Variants in FMN1 observed in about 807,000 individuals in gnomAD.
FMN1 encodes formin 1.
FMN1 carries 110 observed loss-of-function variants against 132.4 expected under a neutral mutation model. The ratio of observed to expected loss-of-function variants is 0.83; its 90% CI spans 0.71 to 0.97. The LOEUF (loss-of-function observed/expected upper bound fraction) is 0.97, where lower values mean the gene tolerates loss of function less well. Ranked by LOEUF, FMN1 falls within the 50% of genes least tolerant of loss-of-function variation. The pLI is 0.00. For synonymous variants in FMN1, 722 were observed against 651.7 expected, an observed-to-expected ratio of 1.11 and a Z score of -1.64; for missense variants, 1,792 against 1,705.3, an observed-to-expected ratio of 1.05 and a Z score of -0.90.
intron 6 of FMN1, chr15:33,012,278 TC>T: frequency 1.4e-6 from 1 of 737,376 alleles, no homozygotes; most frequent in Non-Finnish European, 2.5e-6. Context: ...CACCAGGTAT[TC>T]CAGAGGCTTT....
At chr15:32,928,541 T>C (rs1374987876) in intron 9 of FMN1, among the ~76,000 whole-genome samples, 5 of 152,192 alleles carry the variant, frequency 3.3e-5, no homozygotes, top group Admixed American at 2.6e-4. Context: ...CGGAGGTGAC[T>C]GAGACAGATC....
intron 6 of FMN1, among the ~76,000 whole-genome samples, chr15:33,010,164 A>G (rs968762111): frequency 5.3e-5 from 8 of 152,284 alleles, no homozygotes; most frequent in African/African-American, 1.9e-4. Context: ...GCCAACATGA[A>G]GAATCTTAAA....
chr15:32,874,701 C>G (rs17228880), intron 16 of FMN1, among the ~76,000 whole-genome samples: 82,549 of 152,010 alleles, frequency 0.54, 22,751 homozygotes, highest in African/African-American at 0.61. Flanking sequence ...ATAAAACTTA[C>G]CCTTAAAATG....
chr15:33,118,843 C>G (rs1418578261), intron 4 of FMN1, among the ~76,000 whole-genome samples: 1 of 150,580 alleles, frequency 6.6e-6, no homozygotes, highest in African/African-American at 2.4e-5. Flanking sequence ...AATTTCTAGT[C>G]ACATTCATAC....
At chr15:33,128,090 G>C (rs1161254766) in intron 4 of FMN1, among the ~76,000 whole-genome samples, 1 of 152,154 alleles carries the variant, frequency 6.6e-6, no homozygotes. Flanking sequence ...AGAAAACCAA[G>C]AATGAGGCCA....
In FMN1 at chr15:32,922,645, T is replaced by C. The variant is rs76061618; in HGVS notation, c.3226+3529A>G. Among the ~76,000 whole-genome samples, 854 of 152,250 alleles carry C rather than the reference T, an allele frequency of 5.6e-3. 9 individuals carry two copies. Among genetic ancestry groups the C allele is most frequent in the African/African-American group, 0.019 (808 of 41,526 alleles). On this transcript the variant is annotated intron_variant, in intron 10 of 20. Coordinates refer to ENST00000616417, the MANE Select transcript of FMN1 (RefSeq NM_001277313.2). ...CACATGATCTATTTGTGGGAGACAA[T>C]TGCAGACTGAAACACACAAAACTGT...
chr15:32,951,897 C>G (rs1328446339), intron 9 of FMN1, among the ~76,000 whole-genome samples: 1 of 152,190 alleles, frequency 6.6e-6, no homozygotes, highest in African/African-American at 2.4e-5. Context: ...AGTGGTGACT[C>G]TCACCACACT....
intron 12 of FMN1, among the ~76,000 whole-genome samples, chr15:32,906,627 T>G (rs1230461564): frequency 6.6e-6 from 1 of 152,242 alleles, no homozygotes; most frequent in Non-Finnish European, 1.5e-5. Flanking sequence ...ATGCCCACTG[T>G]GCCCCAATAC....
chr15:33,189,205 G>T (rs1046429396), intron 2 of FMN1, among the ~76,000 whole-genome samples: 2 of 152,150 alleles, frequency 1.3e-5, no homozygotes, highest in African/African-American at 4.8e-5. Context: ...GGGTTGGATG[G>T]GTAGGAAAGA....
chr15:32,964,304 G>A, intron 8 of FMN1, 47 bp from the exon 9 acceptor site: 2 of 1,329,088 alleles, frequency 1.5e-6, no homozygotes, highest in Non-Finnish European at 2.1e-6. Context: ...AAAACAGGAA[G>A]GAATGTAATA....
In FMN1 at chr15:32,857,013, A is replaced by C. The variant is rs1223672899; in HGVS notation, c.3928+2T>G. ...GTATGTGCGGCTGACAAAGCTTCCT[A>C]CCTTTTTGGAAGAACTCCTCTAGTT... On this transcript the variant is annotated splice_donor_variant, in intron 17 of 20. Coordinates refer to ENST00000616417, the MANE Select transcript of FMN1 (RefSeq NM_001277313.2). LOFTEE classifies it high-confidence loss of function. 6.2e-7 allele frequency: 1 copy of C among 1,607,430 alleles called. No individual in the cohort carries two copies. The highest frequency in any genetic ancestry group is 8.5e-7 in the Non-Finnish European group (1 of 1,174,040).
At chr15:32,807,521 G>A (rs1359564594) in intron 17 of FMN1, among the ~76,000 whole-genome samples, 1 of 152,194 alleles carries the variant, frequency 6.6e-6, no homozygotes, top group African/African-American at 2.4e-5. Context: ...ATTCCTCTGA[G>A]GCCCGAGTGA....
At chr15:32,837,423 CTT>C (rs2058653260) in intron 17 of FMN1, 1 of 153,156 alleles carries the variant, frequency 6.5e-6, no homozygotes, top group Admixed American at 6.5e-5. Context: ...AGTGACTTCT[CTT>C]GTCTCCCTCA....
chr15:32,999,125 T>C (rs1308639311), intron 7 of FMN1, among the ~76,000 whole-genome samples: 2 of 152,238 alleles, frequency 1.3e-5, no homozygotes, highest in Non-Finnish European at 2.9e-5. Context: ...ATTACACTAA[T>C]ATCAGCACTT....
At chr15:33,120,023 T>C (rs1962405871) in intron 4 of FMN1, among the ~76,000 whole-genome samples, 1 of 152,188 alleles carries the variant, frequency 6.6e-6, no homozygotes, top group South Asian at 2.1e-4. Flanking sequence ...TATTATCAAT[T>C]TTAACAGGTG....
chr15:32,998,081 G>A lies in FMN1; in HGVS notation c.2223+9933C>T, dbSNP rs59310964. The stretch of plus-strand genomic sequence containing the variant: ...GGCTATAAGATGATAGTAAGTGTGG[G>A]GCAGTACTTTGGCAACTAGAGCATC... On this transcript the variant is annotated intron_variant, in intron 7 of 20. Transcript: ENST00000616417. Among the ~76,000 whole-genome samples the A allele has an allele frequency of 4.6e-3, 706 of 152,206 alleles. 5 individuals are homozygous for A. Among genetic ancestry groups the A allele is most frequent in the African/African-American group, 0.017 (687 of 41,524 alleles).
intron 6 of FMN1, among the ~76,000 whole-genome samples, chr15:33,023,925 A>C (rs2035542465): frequency 6.6e-6 from 1 of 152,194 alleles, no homozygotes; most frequent in Non-Finnish European, 1.5e-5. Flanking sequence ...AGCTATATTA[A>C]AATATACCAG....
intron 4 of FMN1, among the ~76,000 whole-genome samples, chr15:33,098,900 G>T (rs536011932): frequency 7.2e-5 from 11 of 152,266 alleles, no homozygotes; most frequent in Admixed American, 2.0e-4. Flanking sequence ...TTCCTCGGAA[G>T]CTCACAAGCC....
At chr15:33,086,112 G>A (rs1028300802) in intron 5 of FMN1, among the ~76,000 whole-genome samples, 2 of 152,022 alleles carry the variant, frequency 1.3e-5, no homozygotes, top group African/African-American at 4.8e-5. Flanking sequence ...TTAGCTGGGC[G>A]TGGTGGCATG....
Sources: allele counts gnomAD v4.1 joint callset (sites outside exome capture counted in the v4.1 genomes callset), GRCh38; gene constraint gnomAD v4.1.1; transcripts MANE v1.5; gene names NCBI Gene and HGNC (gene_info 2026-07-23, HGNC 2026-07-21).